ANKRD63: variants seen among roughly 807,000 people sequenced by gnomAD.
ANKRD63 encodes ankyrin repeat domain 63.
In ANKRD63, 18 loss-of-function variants were observed where a neutral mutation model predicts 21.2. The observed-to-expected ratio is 0.85, with a 90% confidence interval of 0.59 to 1.26. The LOEUF is 1.26. ANKRD63 is among the 50% of genes most tolerant of loss of function. The pLI is 0.00. For missense variants in ANKRD63, 523 were observed against 570.9 expected (o/e 0.92, Z 0.85); for synonymous variants, 322 against 273.3 (o/e 1.18, Z -1.76).
rs1047103988 is a variant in ANKRD63 at position 40,280,394 on chromosome 15, G to A, written c.*1050C>T. ...AGATATTGTCAGGCTCTTAAGCCTC[G>A]GAATCAGACCCGCTGCTTTCTGCTT... is the stretch of plus-strand genomic sequence containing the variant. On this transcript the variant is annotated 3_prime_UTR_variant, in exon 1 of 1. Transcript: ENST00000434396. Among the ~76,000 whole-genome samples, 1 of 152,234 alleles carries A rather than the reference G, an allele frequency of 6.6e-6. No homozygotes were observed. The highest frequency in any genetic ancestry group is 2.4e-5 in the African/African-American group (1 of 41,460).
chr15:40,279,967 C>A lies in ANKRD63; in HGVS notation c.*1477G>T, dbSNP rs1318427446. Among the ~76,000 whole-genome samples the A allele has an allele frequency of 6.6e-6, 1 of 152,246 alleles. No homozygotes were observed. Among genetic ancestry groups the A allele is most frequent in the Non-Finnish European group, 1.5e-5 (1 of 68,038 alleles). ...CGTCCCGCCGGACCCCCGCCCCCAA[C>A]CCCGCCGCCTCGCTAGGCCAGTATA... On this transcript the variant is annotated 3_prime_UTR_variant, in exon 1 of 1. Coordinates refer to ENST00000434396, the MANE Select transcript of ANKRD63 (RefSeq NM_001190479.3).
chr15:40,281,528 C>A lies in ANKRD63; in HGVS notation c.1059G>T (p.Glu353Asp), dbSNP rs2039541889. Residue 353 changes from glutamate (E) to aspartate (D), a missense_variant, in exon 1 of 1, where the codon GAG becomes GAT. By Grantham distance (45) the Glu-to-Asp change is conservative. Coordinates refer to ENST00000434396, the MANE Select transcript of ANKRD63 (RefSeq NM_001190479.3). ...APGPESGPEL[E>D]ANALSVSVPG... ...GCACCGAGACAGACAGAGCGTTGGC[C>A]TCTAACTCCGGGCCACTCTCGGGCC... 2 of 1,525,010 alleles carry A rather than the reference C, an allele frequency of 1.3e-6. No homozygotes were observed. The highest frequency in any genetic ancestry group is 1.8e-6 in the Non-Finnish European group (2 of 1,141,490). 94.5% of individuals were successfully genotyped at this position (1,525,010 alleles called of 1,614,324 possible). A position where few individuals can be genotyped will look rare whatever the true frequency, so the allele number is the denominator to read the frequency against.
chr15:40,282,670 G>T lies in ANKRD63; in HGVS notation c.-84C>A, dbSNP rs527400893. 3.6e-6 allele frequency: 4 copies of T among 1,112,460 alleles called. No individual in the cohort carries two copies. The Admixed American group carries it at 1.7e-4, about 46-fold the overall frequency. The allele number at this position is 1,112,460 out of a possible 1,614,324, so 68.9% of individuals were successfully genotyped here. A position where few individuals can be genotyped will look rare whatever the true frequency, so the allele number is the denominator to read the frequency against. ...CGCGCCCCGCGGGGCTCCGGCCTCC[G>T]CCCGCGCTCTGATACCTCTCCCTCC... is the stretch of plus-strand genomic sequence containing the variant. On this transcript the variant is annotated 5_prime_UTR_variant, in exon 1 of 1. Transcript: ENST00000434396.
In ANKRD63 at chr15:40,278,939, C is replaced by T. The variant is rs1479258798; in HGVS notation, c.*2505G>A. 6.6e-6 allele frequency among the ~76,000 whole-genome samples: 1 copy of T among 152,224 alleles called. No individual in the cohort carries two copies. The highest frequency in any genetic ancestry group is 2.4e-5 in the African/African-American group (1 of 41,460). ...ACAGCACCTCTGATACAATGTGCAA[C>T]CCAGACTTCATGCTGTTAAGCCAAA... is the stretch of plus-strand genomic sequence containing the variant. On this transcript the variant is annotated 3_prime_UTR_variant, in exon 1 of 1. Coordinates refer to ENST00000434396, the MANE Select transcript of ANKRD63 (RefSeq NM_001190479.3).
In ANKRD63 at chr15:40,282,199, C is replaced by G. The variant is rs1239200695; in HGVS notation, c.388G>C (p.Gly130Arg). Residue 130 changes from glycine to arginine, a missense_variant, in exon 1 of 1, where the codon GGG (glycine) becomes CGG (arginine). Around this residue, in one of 2 missense-constraint regions of ANKRD63, gnomAD observed 215 missense variants for 280.4 expected, o/e 0.77. Coordinates refer to ENST00000434396, the MANE Select transcript of ANKRD63 (RefSeq NM_001190479.3). ...PVMWAAACGH[G>R]AVLEFLVRSF... is the part of the protein sequence containing the mutation. ...CGCACCAGGAACTCGAGCACCGCCC[C>G]GTGGCCGCAGGCCGCCGCCCACATC... is the stretch of plus-strand genomic sequence containing the variant. The G allele has an allele frequency of 3.3e-6, 5 of 1,503,560 alleles. No individual in the cohort carries two copies. The highest frequency in any genetic ancestry group is 4.4e-6 in the Non-Finnish European group (5 of 1,134,598). The allele number at this position is 1,503,560 out of a possible 1,614,324, so 93.1% of individuals were successfully genotyped here.
At position 40,282,110 on chromosome 15, in the gene ANKRD63, T is replaced by C. The variant is rs1356527438; in HGVS notation, c.477A>G (p.Gln159=). 3.6e-6 allele frequency: 5 copies of C among 1,401,320 alleles called. No individual in the cohort carries two copies. The highest frequency in any genetic ancestry group is 4.6e-6 in the Non-Finnish European group (5 of 1,086,970). 86.8% of individuals were successfully genotyped at this position (1,401,320 alleles called of 1,614,324 possible). ...RTNRAGLTAL[Q]LAAARGHGTC... ...TCCCGTGGCCGCGGGCGGCGGCCAG[T>C]TGCAGCGCGGTGAGCCCCGCACGGT... Residue 159 remains glutamine, a synonymous_variant, in exon 1 of 1, where the codon CAA becomes CAG. Transcript: ENST00000434396.
Position 40,282,123 on chromosome 15 carries a change from A to C in ANKRD63, c.464T>G (p.Leu155Arg), listed in dbSNP as rs1368444837. The change falls in exon 1 of 1, where the codon CTC (leucine) becomes CGC (arginine). Residue 155 changes from leucine (L) to arginine (R), a missense_variant. Leu to Arg is a moderately radical substitution (Grantham distance 102, BLOSUM62 -2). Coordinates refer to ENST00000434396, the MANE Select transcript of ANKRD63 (RefSeq NM_001190479.3). ...LRLDRTNRAG[L>R]TALQLAAARG... ...GGCGGCGGCCAGTTGCAGCGCGGTG[A>C]GCCCCGCACGGTTGGTGCGGTCGAG... The C allele has an allele frequency of 7.0e-7, 1 of 1,428,942 alleles. No homozygotes were observed. Among genetic ancestry groups the C allele is most frequent in the Non-Finnish European group, 9.1e-7 (1 of 1,100,312 alleles). The allele number at this position is 1,428,942 out of a possible 1,614,324, so 88.5% of individuals were successfully genotyped here.
Position 40,281,327 on chromosome 15 carries a change from G to T in ANKRD63, c.*117C>A. ...AGGTCTCGCCTTGGCAGGGAGGCAG[G>T]TTCCAAAATGGACTGCGGGGGGCGG... On this transcript the variant is annotated 3_prime_UTR_variant, in exon 1 of 1. Coordinates refer to ENST00000434396, the MANE Select transcript of ANKRD63 (RefSeq NM_001190479.3). 1 of 876,028 alleles carries T rather than the reference G, an allele frequency of 1.1e-6. No individual in the cohort carries two copies. The highest frequency in any genetic ancestry group is 1.8e-5 in the African/African-American group (1 of 56,966). 54.3% of individuals were successfully genotyped at this position (876,028 alleles called of 1,614,324 possible).
At position 40,281,404 on chromosome 15, in the gene ANKRD63, C is replaced by T. The variant is rs772628581; in HGVS notation, c.*40G>A. 31 of 1,349,476 alleles carry T rather than the reference C, an allele frequency of 2.3e-5. No homozygotes were observed. Among genetic ancestry groups the T allele is most frequent in the Non-Finnish European group, 2.9e-5 (31 of 1,052,232 alleles). 83.6% of individuals were successfully genotyped at this position (1,349,476 alleles called of 1,614,324 possible). A position where few individuals can be genotyped will look rare whatever the true frequency, so the allele number is the denominator to read the frequency against. On this transcript the variant is annotated 3_prime_UTR_variant, in exon 1 of 1. Transcript: ENST00000434396. Reference sequence around the variant, plus strand: ...GAGAGAAATACCAGTGGAGTAGAAACGGGAGGGTAGGGGAAGCAGGCCTCG... The same window carrying T: ...GAGAGAAATACCAGTGGAGTAGAAATGGGAGGGTAGGGGAAGCAGGCCTCG...
In ANKRD63 at chr15:40,282,831, GA is replaced by G. The variant is rs1237813037; in HGVS notation, c.-246del. On this transcript the variant is annotated 5_prime_UTR_variant, in exon 1 of 1. Transcript: ENST00000434396. ...CCCGGGCCTCCCGCCTGGAGGTGTT[GA>G]TTGCTCGCTACTCCGGGCTCCGCTC... Among the ~76,000 whole-genome samples, 1 of 152,180 alleles carries G rather than the reference GA, an allele frequency of 6.6e-6. No homozygotes were observed. Among genetic ancestry groups the G allele is most frequent in the Non-Finnish European group, 1.5e-5 (1 of 68,012 alleles).
chr15:40,281,963 T>A lies in ANKRD63; in HGVS notation c.624A>T (p.Arg208=). 7.9e-7 allele frequency: 1 copy of A among 1,266,368 alleles called. No homozygotes were observed. The highest frequency in any genetic ancestry group is 9.9e-7 in the Non-Finnish European group (1 of 1,008,124). 78.4% of individuals were successfully genotyped at this position (1,266,368 alleles called of 1,614,324 possible). ...GCCGCGGGAGGCGGCGGGGGCTGGG[T>A]CGTCGATGCTCGGGGCTGGCCGCGG... is the stretch of plus-strand genomic sequence containing the variant. ...PAPAASPEHR[R]PSPRRLPRPL... The change falls in exon 1 of 1, where the codon CGA becomes CGT. Residue 208 remains arginine (R), a synonymous_variant. Coordinates refer to ENST00000434396, the MANE Select transcript of ANKRD63 (RefSeq NM_001190479.3).
Position 40,282,079 on chromosome 15 carries a change from C to T in ANKRD63, c.508G>A (p.Val170Met). The T allele has an allele frequency of 3.7e-6, 5 of 1,368,792 alleles. No individual in the cohort carries two copies. Among genetic ancestry groups the T allele is most frequent in the Non-Finnish European group, 4.7e-6 (5 of 1,071,568 alleles). The allele number at this position is 1,368,792 out of a possible 1,614,324, so 84.8% of individuals were successfully genotyped here. A position where few individuals can be genotyped will look rare whatever the true frequency, so the allele number is the denominator to read the frequency against. ...LAAARGHGTC[V>M]QALTGPWGRA... Reference sequence around the variant, plus strand: ...CCCCAGGGCCCGGTGAGGGCCTGCACACAGGTCCCGTGGCCGCGGGCGGCG... The same window carrying T: ...CCCCAGGGCCCGGTGAGGGCCTGCATACAGGTCCCGTGGCCGCGGGCGGCG... The change falls in exon 1 of 1, where the codon GTG becomes ATG. Residue 170 changes from valine (V) to methionine (M), a missense_variant. By Grantham distance (21) the Val-to-Met change is conservative. This residue lies in a region of ANKRD63 where 215 missense variants were observed against 280.4 expected (regional missense o/e 0.77). Transcript: ENST00000434396.
rs1342147087 is a variant in ANKRD63, at chr15:40,281,695, G to A, written c.892C>T (p.Leu298=). 2.0e-6 allele frequency: 3 copies of A among 1,534,570 alleles called. No individual in the cohort carries two copies. Among genetic ancestry groups the A allele is most frequent in the Admixed American group, 3.9e-5 (2 of 50,944 alleles). Residue 298 remains leucine (L), a synonymous_variant, in exon 1 of 1, where the codon CTG becomes TTG. Coordinates refer to ENST00000434396, the MANE Select transcript of ANKRD63 (RefSeq NM_001190479.3). The part of the protein sequence containing the change: ...GTGRWRSQEV[L]EGAPPTLAQA... ...GCTAAGGTTGGGGGCGCTCCCTCCA[G>A]CACCTCCTGTGAGCGCCACCGCCCA...
rs2039560584 is a variant in ANKRD63 at position 40,282,726 on chromosome 15, A to C, written c.-140T>G. The C allele has an allele frequency of 1.6e-6, 1 of 624,510 alleles. No individual in the cohort carries two copies. The highest frequency in any genetic ancestry group is 1.9e-5 in the African/African-American group (1 of 51,452). 38.7% of individuals were successfully genotyped at this position (624,510 alleles called of 1,614,324 possible). On this transcript the variant is annotated 5_prime_UTR_variant, in exon 1 of 1. Transcript: ENST00000434396. ...TGGGCGGCTGCAGCCGAGGGTCCCG[A>C]GGTTCCTACTCCGCTGTCCCGGAGG...
chr15:40,281,293 G>A lies in ANKRD63; in HGVS notation c.*151C>T, dbSNP rs1004013224. 3 of 541,526 alleles carry A rather than the reference G, an allele frequency of 5.5e-6. No homozygotes were observed. The Admixed American group carries it at 1.2e-4, about 21-fold the overall frequency. The allele number at this position is 541,526 out of a possible 1,614,324, so 33.5% of individuals were successfully genotyped here. ...TGGAGGTCCCTTATTTCTGGTGGAG[G>A]GCTGGTGGAGGTCTCGCCTTGGCAG... On this transcript the variant is annotated 3_prime_UTR_variant, in exon 1 of 1. Transcript: ENST00000434396.
At position 40,279,396 on chromosome 15, in the gene ANKRD63, C is replaced by G. The variant is rs748470165; in HGVS notation, c.*2048G>C. Among the ~76,000 whole-genome samples, 2 of 152,224 alleles carry G rather than the reference C, an allele frequency of 1.3e-5. No homozygotes were observed. The highest frequency in any genetic ancestry group is 2.9e-5 in the Non-Finnish European group (2 of 68,038). On this transcript the variant is annotated 3_prime_UTR_variant, in exon 1 of 1. Coordinates refer to ENST00000434396, the MANE Select transcript of ANKRD63 (RefSeq NM_001190479.3). ...AATGCGAGTTTTTTGTTCATTGTCC[C>G]TCACTTCACTGCTGTAAAGTGACTT...
In ANKRD63 at chr15:40,280,487, C is replaced by G. The variant is rs2039528390; in HGVS notation, c.*957G>C. ...GAAATACAATTAAGCACAGCCTTCG[C>G]AACCGTTCCACCCCGCGGGAGCACC... is the stretch of plus-strand genomic sequence containing the variant. On this transcript the variant is annotated 3_prime_UTR_variant, in exon 1 of 1. Transcript: ENST00000434396. Among the ~76,000 whole-genome samples the G allele has an allele frequency of 6.6e-6, 1 of 152,284 alleles. No homozygotes were observed. Among genetic ancestry groups the G allele is most frequent in the Non-Finnish European group, 1.5e-5 (1 of 68,048 alleles).
Position 40,281,629 on chromosome 15 carries a change from G to C in ANKRD63, c.958C>G (p.Pro320Ala). 1 of 1,526,418 alleles carries C rather than the reference G, an allele frequency of 6.6e-7. No individual in the cohort carries two copies. Among genetic ancestry groups the C allele is most frequent in the Non-Finnish European group, 8.8e-7 (1 of 1,141,804 alleles). 94.6% of individuals were successfully genotyped at this position (1,526,418 alleles called of 1,614,324 possible). ...IGLSPHPEGG[P>A]GSGRLGLRRR... ...CGCAAACCCAGGCGGCCAGAGCCGGGGCCGCCCTCCGGGTGGGGACTGAGG... is the reference window on the plus strand; with the variant it reads ...CGCAAACCCAGGCGGCCAGAGCCGGCGCCGCCCTCCGGGTGGGGACTGAGG... The change falls in exon 1 of 1, where the codon CCC (proline) becomes GCC (alanine). Residue 320 changes from proline (P) to alanine (A), a missense_variant. Physicochemically the swap from Pro to Ala is conservative, Grantham distance 27. Coordinates refer to ENST00000434396, the MANE Select transcript of ANKRD63 (RefSeq NM_001190479.3).
Position 40,281,533 on chromosome 15 carries a change from A to T in ANKRD63, c.1054T>A (p.Leu352Ile). 6.6e-7 allele frequency: 1 copy of T among 1,525,646 alleles called. No individual in the cohort carries two copies. Among genetic ancestry groups the T allele is most frequent in the Non-Finnish European group, 8.8e-7 (1 of 1,141,712 alleles). 94.5% of individuals were successfully genotyped at this position (1,525,646 alleles called of 1,614,324 possible). A position where few individuals can be genotyped will look rare whatever the true frequency, so the allele number is the denominator to read the frequency against. Residue 352 changes from leucine (L) to isoleucine (I), a missense_variant, in exon 1 of 1, where the codon TTA becomes ATA. Physicochemically the swap from Leu to Ile is conservative, Grantham distance 5. This residue lies in a region of ANKRD63 where 308 missense variants were observed against 290.4 expected (regional missense o/e 1.06). Coordinates refer to ENST00000434396, the MANE Select transcript of ANKRD63 (RefSeq NM_001190479.3). ...EAPGPESGPE[L>I]EANALSVSVP... Reference sequence around the variant, plus strand: ...GAGACAGACAGAGCGTTGGCCTCTAACTCCGGGCCACTCTCGGGCCCTGGC... The same window carrying T: ...GAGACAGACAGAGCGTTGGCCTCTATCTCCGGGCCACTCTCGGGCCCTGGC...
Sources: allele counts gnomAD v4.1 joint callset (sites outside exome capture counted in the v4.1 genomes callset), GRCh38; gene constraint gnomAD v4.1.1; regional missense constraint gnomAD v4.1.1; transcripts MANE v1.5; gene names NCBI Gene and HGNC (gene_info 2026-07-23, HGNC 2026-07-21).